Variants in TBC1D22A observed in about 807,000 individuals in gnomAD.
TBC1D22A encodes TBC1 domain family member 22A.
In TBC1D22A, 38 loss-of-function variants were observed where a neutral mutation model predicts 60.2. The observed-to-expected ratio is 0.63, with a 90% confidence interval of 0.49 to 0.83. The LOEUF (loss-of-function observed/expected upper bound fraction) is 0.83. Ranked by LOEUF, TBC1D22A falls within the 40% of genes least tolerant of loss-of-function variation. TBC1D22A has a pLI of 0.00. For synonymous variants in TBC1D22A, 302 were observed against 281.7 expected, an observed-to-expected ratio of 1.07 and a Z score of -0.72; for missense variants, 628 against 701.0, an observed-to-expected ratio of 0.90 and a Z score of 1.18.
intron 9 of TBC1D22A, among the ~76,000 whole-genome samples, chr22:46,978,323 A>T (rs1463806637): frequency 2.0e-5 from 3 of 152,272 alleles, no homozygotes; most frequent in Non-Finnish European, 4.4e-5. Flanking sequence ...AATAGAGAAA[A>T]TTAAAAATAT....
chr22:47,068,267 C>T lies in TBC1D22A; in HGVS notation c.1329+31069C>T, dbSNP rs544260871. 7.2e-5 allele frequency among the ~76,000 whole-genome samples: 11 copies of T among 152,364 alleles called. No individual in the cohort carries two copies. The East Asian group carries it at 1.5e-3, about 21-fold the overall frequency. The stretch of plus-strand genomic sequence containing the variant: ...GAGCCGTTGCCCCCAGGGCTCTTCC[C>T]TCCCTCTCTGCCGGCATCATTGGGT... On this transcript the variant is annotated intron_variant, in intron 11 of 12. Transcript: ENST00000337137.
At chr22:47,171,999 TGAG>T (rs2068483938) in intron 12 of TBC1D22A, among the ~76,000 whole-genome samples, 1 of 137,110 alleles carries the variant, frequency 7.3e-6, no homozygotes, top group East Asian at 2.1e-4. Context: ...GTGCGCCCGG[TGAG>T]CCCAGTGTGC....
intron 12 of TBC1D22A, among the ~76,000 whole-genome samples, chr22:47,158,598 G>C (rs947012797): frequency 6.6e-6 from 1 of 152,144 alleles, no homozygotes; most frequent in Non-Finnish European, 1.5e-5. Flanking sequence ...GTGTGTGGGA[G>C]GAGGGCCGGG....
At chr22:47,013,325 G>GTGA (rs761459987) in intron 10 of TBC1D22A, among the ~76,000 whole-genome samples, 1 of 152,138 alleles carries the variant, frequency 6.6e-6, no homozygotes, top group Non-Finnish European at 1.5e-5. Flanking sequence ...TTTTCTCCTT[G>GTGA]TGATGATATC....
At chr22:46,827,139 CTT>C (rs2086104473) in intron 4 of TBC1D22A, among the ~76,000 whole-genome samples, 1 of 152,294 alleles carries the variant, frequency 6.6e-6, no homozygotes, top group East Asian at 1.9e-4. Context: ...CCTCAGCACT[CTT>C]TGGTTATAAT....
chr22:46,841,595 G>A (rs1265318961), intron 4 of TBC1D22A, among the ~76,000 whole-genome samples: 1 of 152,208 alleles, frequency 6.6e-6, no homozygotes, highest in Non-Finnish European at 1.5e-5. Flanking sequence ...GCCAGACCCA[G>A]AAGATATTCA....
chr22:47,049,455 A>G (rs1046448480), intron 11 of TBC1D22A, among the ~76,000 whole-genome samples: 1 of 152,222 alleles, frequency 6.6e-6, no homozygotes, highest in Non-Finnish European at 1.5e-5. Flanking sequence ...GGCCTCCTTC[A>G]CTTCCTGTTT....
At chr22:47,122,379 TCA>T (rs1363753760) in intron 12 of TBC1D22A, among the ~76,000 whole-genome samples, 3 of 152,226 alleles carry the variant, frequency 2.0e-5, no homozygotes, top group African/African-American at 4.8e-5. Context: ...TCCAGGGTCC[TCA>T]GTGTCCCATC....
intron 8 of TBC1D22A, among the ~76,000 whole-genome samples, chr22:46,939,594 A>G (rs1238550845): frequency 6.6e-6 from 1 of 152,228 alleles, no homozygotes; most frequent in African/African-American, 2.4e-5. Flanking sequence ...GAAAATACCC[A>G]TTGGCTTGGT....
At chr22:46,795,825 T>C (rs925702479) in intron 3 of TBC1D22A, among the ~76,000 whole-genome samples, 8 of 152,182 alleles carry the variant, frequency 5.3e-5, no homozygotes, top group Non-Finnish European at 1.2e-4. Context: ...TTTCTGAAGA[T>C]CACAGGGAAG....
intron 4 of TBC1D22A, among the ~76,000 whole-genome samples, chr22:46,857,380 C>T (rs1404304684): frequency 6.6e-6 from 1 of 152,238 alleles, no homozygotes; most frequent in Non-Finnish European, 1.5e-5. Context: ...CCCATCATCG[C>T]TGTAGTCCCG....
intron 11 of TBC1D22A, among the ~76,000 whole-genome samples, chr22:47,071,337 G>C (rs1224094785): frequency 1.3e-5 from 2 of 152,210 alleles, no homozygotes; most frequent in African/African-American, 4.8e-5. Context: ...AAGAGGTTTT[G>C]TGCCTGGGGC....
chr22:47,029,371 G>A (rs906483803), intron 10 of TBC1D22A, among the ~76,000 whole-genome samples: 1 of 152,060 alleles, frequency 6.6e-6, no homozygotes, highest in Admixed American at 6.5e-5. Flanking sequence ...TCCTGCCATA[G>A]CCATGTGTTC....
intron 7 of TBC1D22A, among the ~76,000 whole-genome samples, chr22:46,910,728 C>T (rs1399872388): frequency 6.6e-6 from 1 of 152,026 alleles, no homozygotes; most frequent in African/African-American, 2.4e-5. Context: ...AGAGTCTTCA[C>T]GGAGGGAGTG....
chr22:46,973,946 A>G (rs1208794119), intron 8 of TBC1D22A, among the ~76,000 whole-genome samples: 1 of 152,254 alleles, frequency 6.6e-6, no homozygotes, highest in Non-Finnish European at 1.5e-5. Context: ...AGTTTTCAAA[A>G]TCTTAGGAAA....
At chr22:46,936,620 C>T (rs576715148) in intron 8 of TBC1D22A, among the ~76,000 whole-genome samples, 3 of 152,318 alleles carry the variant, frequency 2.0e-5, no homozygotes, top group Admixed American at 6.5e-5. Flanking sequence ...ATCTTTCTGT[C>T]GGATTCTGGA....
intron 12 of TBC1D22A, among the ~76,000 whole-genome samples, chr22:47,126,566 C>T (rs895335931): frequency 1.3e-4 from 20 of 152,250 alleles, no homozygotes; most frequent in African/African-American, 4.8e-4. Context: ...AGCTCCAGCA[C>T]TACACCGCCA....
intron 8 of TBC1D22A, among the ~76,000 whole-genome samples, chr22:46,932,599 C>A (rs1458738298): frequency 6.6e-6 from 1 of 152,098 alleles, no homozygotes; most frequent in Non-Finnish European, 1.5e-5. Flanking sequence ...CATGGTTTTC[C>A]ACCCATCACG....
chr22:46,820,783 T>A (rs1403041636), intron 4 of TBC1D22A, among the ~76,000 whole-genome samples: 1 of 152,280 alleles, frequency 6.6e-6, no homozygotes, highest in Non-Finnish European at 1.5e-5. Flanking sequence ...CTGAATGTCC[T>A]TGTTAATTTT....
Sources: gnomAD v4.1 joint callset for allele counts (sites outside exome capture counted in the v4.1 genomes callset) on GRCh38, gnomAD v4.1.1 for gene constraint, MANE v1.5 for transcripts, NCBI Gene and HGNC (gene_info 2026-07-23, HGNC 2026-07-21) for gene names.